The following EXOC6B variants were observed in gnomAD, a reference collection of about 807,000 sequenced individuals.
EXOC6B encodes exocyst complex component 6B.
EXOC6B carries 54 observed loss-of-function variants against 113.5 expected under a neutral mutation model. The ratio of observed to expected loss-of-function variants is 0.48; its 90% CI spans 0.38 to 0.60. EXOC6B has a LOEUF of 0.60. Among genes scored for constraint, EXOC6B ranks in the 20% least tolerant of loss-of-function variants. The pLI is 0.00. For missense variants in EXOC6B, 797 were observed against 977.5 expected (o/e 0.82, Z 2.46); for synonymous variants, 357 against 339.0 (o/e 1.05, Z -0.58).
intron 1 of EXOC6B, among the ~76,000 whole-genome samples, chr2:72,786,473 A>G (rs1684383063): frequency 6.6e-6 from 1 of 152,224 alleles, no homozygotes; most frequent in Non-Finnish European, 1.5e-5. Flanking sequence ...CTATAATGCA[A>G]TGTCACTTGT....
At chr2:72,679,403 T>C (rs1355021674) in intron 6 of EXOC6B, among the ~76,000 whole-genome samples, 1 of 152,168 alleles carries the variant, frequency 6.6e-6, no homozygotes, top group Non-Finnish European at 1.5e-5. Flanking sequence ...TTAATAGACC[T>C]CCTGAACCTT....
At chr2:72,352,485 GT>G (rs989005403) in intron 19 of EXOC6B, among the ~76,000 whole-genome samples, 4 of 151,976 alleles carry the variant, frequency 2.6e-5, no homozygotes, top group East Asian at 1.9e-4. Flanking sequence ...TGATATTTGG[GT>G]TTTTTTCTCT....
At chr2:72,559,073 T>C (rs1413345049) in intron 8 of EXOC6B, among the ~76,000 whole-genome samples, 4 of 152,198 alleles carry the variant, frequency 2.6e-5, no homozygotes, top group Non-Finnish European at 5.9e-5. Context: ...CCCTTTTCCA[T>C]ATGCTTTATA....
intron 20 of EXOC6B, among the ~76,000 whole-genome samples, chr2:72,216,722 T>C (rs943924587): frequency 5.9e-5 from 9 of 152,082 alleles, no homozygotes; most frequent in African/African-American, 1.9e-4. Flanking sequence ...TATGCAGTCA[T>C]AAAAAGGAAT....
At chr2:72,213,751 T>C (rs1680335629) in intron 20 of EXOC6B, among the ~76,000 whole-genome samples, 1 of 152,130 alleles carries the variant, frequency 6.6e-6, no homozygotes, top group Non-Finnish European at 1.5e-5. Flanking sequence ...ATGGAATTAG[T>C]GCCCCCATAA....
intron 18 of EXOC6B, among the ~76,000 whole-genome samples, chr2:72,457,994 G>A (rs759999929): frequency 4.6e-5 from 7 of 152,042 alleles, no homozygotes; most frequent in South Asian, 2.1e-4. Context: ...GGACACTGAC[G>A]TATTCCGTTG....
rs79725210 is a variant in EXOC6B, at chr2:72,675,347, A to G, written c.669+42756T>C. Among the ~76,000 whole-genome samples, 1,228 of 152,366 alleles carry G rather than the reference A, an allele frequency of 8.1e-3. 28 individuals carry two copies. Among genetic ancestry groups the G allele is most frequent in the African/African-American group, 0.029 (1,191 of 41,584 alleles). ...TAGCATTAAACAGAATCTTCTGAACAACCTACCTAAAAGCTGAGATTCTCT... is the reference window on the plus strand; with the variant it reads ...TAGCATTAAACAGAATCTTCTGAACGACCTACCTAAAAGCTGAGATTCTCT... On this transcript the variant is annotated intron_variant, in intron 6 of 21. Transcript: ENST00000272427.
chr2:72,459,530 C>T (rs1397218293), intron 18 of EXOC6B, among the ~76,000 whole-genome samples: 1 of 152,124 alleles, frequency 6.6e-6, no homozygotes, highest in Non-Finnish European at 1.5e-5. Flanking sequence ...AATCAATGTA[C>T]AAAAGTCACA....
chr2:72,606,530 A>C (rs1670763250), intron 6 of EXOC6B, among the ~76,000 whole-genome samples: 2 of 152,268 alleles, frequency 1.3e-5, no homozygotes, highest in African/African-American at 2.4e-5. Context: ...GGAGTTGGAG[A>C]CCAGCCTAAG....
At chr2:72,687,487 C>A (rs1221995985) in intron 6 of EXOC6B, among the ~76,000 whole-genome samples, 2 of 151,426 alleles carry the variant, frequency 1.3e-5, no homozygotes, top group Non-Finnish European at 2.9e-5. Flanking sequence ...TTTTTTCAGG[C>A]AAAACCCCAC....
Position 72,825,984 on chromosome 2 carries a change from C to G in EXOC6B, c.-74G>C. On this transcript the variant is annotated 5_prime_UTR_variant, in exon 1 of 22. Coordinates refer to ENST00000272427, the MANE Select transcript of EXOC6B (RefSeq NM_015189.3). This position sits in a 1 kb window ranked among gnomAD's most constrained non-coding sequence, Gnocchi z 4.4. ...TTTTCCCTGCCCCACAATGCCGCTC[C>G]CACCACAGGCTCCACAGCCGCCCCA... The G allele has an allele frequency of 1.9e-6, 3 of 1,561,964 alleles. No homozygotes were observed. The highest frequency in any genetic ancestry group is 1.7e-6 in the Non-Finnish European group (2 of 1,157,024).
At chr2:72,568,540 C>T (rs527770703) in intron 7 of EXOC6B, among the ~76,000 whole-genome samples, 2 of 152,106 alleles carry the variant, frequency 1.3e-5, no homozygotes, top group African/African-American at 2.4e-5. Flanking sequence ...TACACATACA[C>T]ACACACGCAC....
At chr2:72,404,235 C>A (rs1379858169) in intron 18 of EXOC6B, among the ~76,000 whole-genome samples, 1 of 152,308 alleles carries the variant, frequency 6.6e-6, no homozygotes, top group East Asian at 1.9e-4. Flanking sequence ...GTGGAGCCCA[C>A]CACAGCTCAA....
chr2:72,274,001 T>C (rs529244090), intron 20 of EXOC6B, among the ~76,000 whole-genome samples: 83 of 152,242 alleles, frequency 5.5e-4, no homozygotes, highest in African/African-American at 1.9e-3. Context: ...ACACATGCTA[T>C]AGACAATATA....
intron 1 of EXOC6B, among the ~76,000 whole-genome samples, chr2:72,800,852 C>G (rs1685236435): frequency 6.6e-6 from 1 of 152,114 alleles, no homozygotes; most frequent in Non-Finnish European, 1.5e-5. Flanking sequence ...GATCTAAAGT[C>G]AAGATGATGT....
chr2:72,376,674 A>G (rs577401036), intron 19 of EXOC6B, among the ~76,000 whole-genome samples: 1 of 152,210 alleles, frequency 6.6e-6, no homozygotes, highest in Admixed American at 6.5e-5. Flanking sequence ...ATTACTGACT[A>G]TATTAAATTA....
intron 6 of EXOC6B, among the ~76,000 whole-genome samples, chr2:72,582,101 CA>C (rs1420123472): frequency 6.6e-6 from 1 of 152,022 alleles, no homozygotes; most frequent in Non-Finnish European, 1.5e-5. Flanking sequence ...GAAGAAAAGC[CA>C]AAAGACCCTG....
chr2:72,239,060 G>A (rs1351225809), intron 20 of EXOC6B, among the ~76,000 whole-genome samples: 3 of 151,994 alleles, frequency 2.0e-5, no homozygotes, highest in Admixed American at 1.3e-4. Context: ...CACTGCACCC[G>A]GCTAATTTTT....
rs1670410613 is a variant in EXOC6B, at chr2:72,601,162, GTGTGT to G, written c.670-25499_670-25495del. Among the ~76,000 whole-genome samples, 3 of 147,324 alleles carry G rather than the reference GTGTGT, an allele frequency of 2.0e-5. 1 individual carries two copies. Among genetic ancestry groups the G allele is most frequent in the Non-Finnish European group, 3.0e-5 (2 of 67,350 alleles). On this transcript the variant is annotated intron_variant, in intron 6 of 21. Coordinates refer to ENST00000272427, the MANE Select transcript of EXOC6B (RefSeq NM_015189.3). The stretch of plus-strand genomic sequence containing the variant: ...TGTGTGTGTGTGTGTGTGTGTGTGT[GTGTGT>G]GTGTGTGTGTATATCTTTTTTTCTT...
Sources: allele counts gnomAD v4.1 joint callset (sites outside exome capture counted in the v4.1 genomes callset), GRCh38; gene constraint gnomAD v4.1.1; non-coding constraint Gnocchi (gnomAD v3.1); transcripts MANE v1.5; gene names NCBI Gene and HGNC (gene_info 2026-07-23, HGNC 2026-07-21).